The following SEC16B variants were observed in gnomAD, a reference collection of about 807,000 sequenced individuals.
SEC16B encodes the protein protein transport protein Sec16B.
In SEC16B, 115 loss-of-function variants were observed where a neutral mutation model predicts 141.8. The observed-to-expected ratio is 0.81, with a 90% CI of 0.70 to 0.95. The LOEUF is 0.95. SEC16B is among the 40% of genes least tolerant of loss of function. The pLI, the probability that SEC16B is intolerant of heterozygous loss-of-function variation, is 0.00. For missense variants in SEC16B, 1,291 were observed against 1,312.3 expected (o/e 0.98, Z 0.25); for synonymous variants, 493 against 492.5 (o/e 1.00, Z -0.01).
intron 11 of SEC16B, 129 bp downstream of exon 11, chr1:177,954,150 A>G (rs1056560392): frequency 1.3e-5 from 8 of 615,870 alleles, no homozygotes; most frequent in Non-Finnish European, 2.0e-5. Flanking sequence ...CTCAGAAAAG[A>G]GAACATGGAA....
At chr1:177,976,266 G>A (rs1200959710) in intron 1 of SEC16B, among the ~76,000 whole-genome samples, 2 of 152,170 alleles carry the variant, frequency 1.3e-5, no homozygotes, top group African/African-American at 4.8e-5. Flanking sequence ...GGCTGGCAGA[G>A]GTGGCCCAAC....
Position 177,936,354 on chromosome 1 carries a change from C to CTGTG in SEC16B, c.2511_2514dup (p.Val839HisfsTer11). ...GGAGGCTGGGAAGTTTCTTGAGACA[C>CTGTG]TGTGTTCTCTCCTGCATCACAAACA... On this transcript the variant is annotated frameshift_variant, in exon 20 of 26. Coordinates refer to ENST00000308284, the MANE Select transcript of SEC16B (RefSeq NM_033127.4). LOFTEE classifies it high-confidence loss of function. 1 of 1,609,438 alleles carries CTGTG rather than the reference C, an allele frequency of 6.2e-7. No homozygotes were observed. The highest frequency in any genetic ancestry group is 8.5e-7 in the Non-Finnish European group (1 of 1,177,882).
At chr1:177,933,908 C>T (rs1650641086) in intron 20 of SEC16B, among the ~76,000 whole-genome samples, 1 of 151,830 alleles carries the variant, frequency 6.6e-6, no homozygotes, top group Admixed American at 6.6e-5. Flanking sequence ...CAGAACTATG[C>T]CAAGGCCTGG....
At chr1:177,964,094 C>T in intron 5 of SEC16B, 77 bp downstream of exon 5, 1 of 1,031,922 alleles carries the variant, frequency 9.7e-7, no homozygotes, top group Non-Finnish European at 1.4e-6. Context: ...TCCCCAAGGG[C>T]CCTGTTCTGC....
At position 177,929,838 on chromosome 1, in the gene SEC16B, C is replaced by G. The variant is rs1650279839; in HGVS notation, c.*20G>C. ...GAAAGTTTCAGTCCTGGGAGATGAG[C>G]CTGGGACGTGTGTTTATTCTCAGCA... On this transcript the variant is annotated 3_prime_UTR_variant, in exon 26 of 26. Transcript: ENST00000308284. 6.2e-7 allele frequency: 1 copy of G among 1,613,218 alleles called. No homozygotes were observed.
At chr1:177,981,179 A>C (rs1379707785) in intron 1 of SEC16B, among the ~76,000 whole-genome samples, 1 of 152,138 alleles carries the variant, frequency 6.6e-6, no homozygotes, top group Non-Finnish European at 1.5e-5. Flanking sequence ...TTCTGCCAGC[A>C]TCCTACACTC....
intron 14 of SEC16B, among the ~76,000 whole-genome samples, chr1:177,945,053 T>C (rs1651580909): frequency 2.0e-5 from 3 of 152,174 alleles, no homozygotes; most frequent in Admixed American, 2.0e-4. Context: ...GTCATGTACC[T>C]GTGAAGGGCA....
At chr1:177,951,434 A>C (rs1462922359) in intron 12 of SEC16B, among the ~76,000 whole-genome samples, 1 of 152,234 alleles carries the variant, frequency 6.6e-6, no homozygotes, top group Non-Finnish European at 1.5e-5. Flanking sequence ...CAACTCTAGA[A>C]GATTGAAATC....
At chr1:177,946,582 A>T in intron 13 of SEC16B, 51 bp from the exon 14 acceptor site, 5 of 1,410,544 alleles carry the variant, frequency 3.5e-6, no homozygotes, top group Non-Finnish European at 4.9e-6. Flanking sequence ...CCGTATGGGG[A>T]GCCATCATCT....
intron 2 of SEC16B, among the ~76,000 whole-genome samples, 184 bp downstream of exon 2, chr1:177,967,499 T>A (rs759938757): frequency 3.3e-5 from 5 of 151,962 alleles, no homozygotes; most frequent in Admixed American, 2.0e-4. Context: ...AGGAGAGAAA[T>A]ACTATCTTCA....
intron 8 of SEC16B, 56 bp downstream of exon 8, chr1:177,960,286 A>G: frequency 8.9e-7 from 1 of 1,117,944 alleles, no homozygotes; most frequent in Non-Finnish European, 1.3e-6. Flanking sequence ...TGATCTGGGC[A>G]GGAAGATTTT....
At chr1:177,961,486 TG>T in intron 6 of SEC16B, 103 bp downstream of exon 6, 1 of 1,277,610 alleles carries the variant, frequency 7.8e-7, no homozygotes, top group Non-Finnish European at 1.1e-6. Flanking sequence ...CATAAGCAAA[TG>T]AGGTGGACAA....
At chr1:177,977,464 C>T (rs1041584491) in intron 1 of SEC16B, among the ~76,000 whole-genome samples, 5 of 152,138 alleles carry the variant, frequency 3.3e-5, no homozygotes, top group African/African-American at 9.7e-5. Context: ...CTAGAAGGTA[C>T]CTAGGGGGCT....
At chr1:177,931,436 G>C (rs1650405971) in intron 24 of SEC16B, among the ~76,000 whole-genome samples, 2 of 151,978 alleles carry the variant, frequency 1.3e-5, no homozygotes, top group Admixed American at 1.3e-4. Context: ...GTGGGAGGAG[G>C]GTCAGGGATA....
At chr1:177,972,223 T>C (rs1266221384), upstream of SEC16B, among the ~76,000 whole-genome samples, 1 of 152,212 alleles carries the variant, frequency 6.6e-6, no homozygotes, top group Non-Finnish European at 1.5e-5. Flanking sequence ...TTATTCTATA[T>C]AGACATATGG....
Position 177,937,243 on chromosome 1 carries a change from T to C in SEC16B, c.2474A>G (p.Glu825Gly), listed in dbSNP as rs888329087. 1 of 1,613,604 alleles carries C rather than the reference T, an allele frequency of 6.2e-7. No individual in the cohort carries two copies. Among genetic ancestry groups the C allele is most frequent in the Admixed American group, 1.7e-5 (1 of 59,998 alleles). ...GCCCAGGTGTGTCTGCAGCATTTCC[T>C]CCCAGACTGTTCCTCCAGTGGCCTC... ...VTEATGGTVW[E>G]EMLQTHLGPG... The change falls in exon 19 of 26, where the codon GAG becomes GGG. Residue 825 changes from glutamate (E) to glycine (G), a missense_variant. Physicochemically the swap from Glu to Gly is moderately conservative, Grantham distance 98 (BLOSUM62 -2). This residue lies in a region of SEC16B where 605 missense variants were observed against 614.1 expected (regional missense o/e 0.99). Coordinates refer to ENST00000308284, the MANE Select transcript of SEC16B (RefSeq NM_033127.4).
At chr1:177,939,875 C>T (rs1651146523) in intron 17 of SEC16B, 98 bp from the exon 18 acceptor site, 1 of 1,001,430 alleles carries the variant, frequency 1.0e-6, no homozygotes, top group Admixed American at 2.4e-5. Context: ...AAGAAACTTC[C>T]AGTGGGAAAG....
intron 1 of SEC16B, among the ~76,000 whole-genome samples, chr1:177,969,409 A>G (rs888040408): frequency 2.0e-5 from 3 of 152,198 alleles, no homozygotes; most frequent in Non-Finnish European, 4.4e-5. Context: ...CACTCCCTTG[A>G]AAAAGCCAGG....
At chr1:177,967,346 A>C (rs4652284) in intron 2 of SEC16B, among the ~76,000 whole-genome samples, 119,159 of 151,966 alleles carry the variant, frequency 0.78, 46,979 homozygotes, top group African/African-American at 0.85. Context: ...ACATAAATGA[A>C]CTTTTGCAAT....
Sources: allele counts gnomAD v4.1 joint callset (sites outside exome capture counted in the v4.1 genomes callset), GRCh38; gene constraint gnomAD v4.1.1; regional missense constraint gnomAD v4.1.1; transcripts MANE v1.5; gene names NCBI Gene and HGNC (gene_info 2026-07-23, HGNC 2026-07-21).